PRKCA: variants seen among roughly 807,000 people sequenced by gnomAD.
PRKCA encodes the protein protein kinase C alpha type.
In PRKCA, 27 loss-of-function variants were observed where a neutral mutation model predicts 87.0. The observed-to-expected ratio is 0.31, with a 90% CI of 0.23 to 0.43. The LOEUF (loss-of-function observed/expected upper bound fraction) is 0.43. Among genes scored for constraint, PRKCA ranks in the 20% least tolerant of loss-of-function variants. The pLI is 1.00. For missense variants in PRKCA, 518 were observed against 852.3 expected (o/e 0.61, Z 4.88); for synonymous variants, 329 against 311.1 (o/e 1.06, Z -0.61).
intron 2 of PRKCA, among the ~76,000 whole-genome samples, chr17:66,461,459 TGTG>T (rs879342233): frequency 3.3e-5 from 5 of 152,130 alleles, no homozygotes; most frequent in Non-Finnish European, 5.9e-5. Flanking sequence ...TCACCTGAGT[TGTG>T]GTGAACAGTT....
chr17:66,628,729 C>T (rs1970926106), intron 3 of PRKCA, among the ~76,000 whole-genome samples: 1 of 152,130 alleles, frequency 6.6e-6, no homozygotes, highest in South Asian at 2.1e-4. Flanking sequence ...GATCACTGAA[C>T]ATCAATAAAT....
chr17:66,348,253 A>G (rs911480110), intron 2 of PRKCA, among the ~76,000 whole-genome samples: 9 of 152,074 alleles, frequency 5.9e-5, no homozygotes, highest in Non-Finnish European at 4.4e-5. Flanking sequence ...AGAATCAATA[A>G]TTGTTAATGC....
At chr17:66,470,010 A>G (rs1915252440) in intron 2 of PRKCA, among the ~76,000 whole-genome samples, 1 of 152,022 alleles carries the variant, frequency 6.6e-6, no homozygotes, top group African/African-American at 2.4e-5. Context: ...ATTACCCCCA[A>G]TATGTGTCCG....
At chr17:66,303,503 T>G (rs190664337) in intron 1 of PRKCA, among the ~76,000 whole-genome samples, 1 of 151,458 alleles carries the variant, frequency 6.6e-6, no homozygotes, top group African/African-American at 2.4e-5. Flanking sequence ...GCGTTCGGGG[T>G]GGGGGGGTTG....
intron 16 of PRKCA, chr17:66,797,048 G>A (rs1975686256): frequency 1.1e-6 from 1 of 925,078 alleles, no homozygotes; most frequent in African/African-American, 1.8e-5. Flanking sequence ...AATTCCCATA[G>A]CTGAGACCAT....
intron 8 of PRKCA, among the ~76,000 whole-genome samples, chr17:66,698,848 G>T (rs529107596): frequency 1.3e-5 from 2 of 151,502 alleles, no homozygotes; most frequent in African/African-American, 4.8e-5. Flanking sequence ...AGGTGTAGTG[G>T]TGCATGCCTG....
At chr17:66,445,300 A>T (rs552722744) in intron 2 of PRKCA, among the ~76,000 whole-genome samples, 1 of 152,144 alleles carries the variant, frequency 6.6e-6, no homozygotes, top group East Asian at 1.9e-4. Flanking sequence ...GAGAGTGAAA[A>T]CTGAGCTCTG....
At chr17:66,536,135 C>T (rs1327980273) in intron 3 of PRKCA, among the ~76,000 whole-genome samples, 2 of 152,208 alleles carry the variant, frequency 1.3e-5, no homozygotes, top group Non-Finnish European at 2.9e-5. Context: ...CCAATTCTGA[C>T]ATTTCTTGCA....
chr17:66,556,314 T>TTTC (rs913827887), intron 3 of PRKCA, among the ~76,000 whole-genome samples: 5 of 130,982 alleles, frequency 3.8e-5, no homozygotes, highest in African/African-American at 9.4e-5. Context: ...TAATCTTTTC[T>TTTC]TTCTTCTTCT....
intron 14 of PRKCA, among the ~76,000 whole-genome samples, chr17:66,786,636 G>C (rs1975400421): frequency 6.6e-6 from 1 of 152,156 alleles, no homozygotes. Flanking sequence ...TGTTTGGGTT[G>C]CCCAGGGCAA....
At chr17:66,758,460 A>G (rs956276576) in intron 13 of PRKCA, among the ~76,000 whole-genome samples, 5 of 152,212 alleles carry the variant, frequency 3.3e-5, no homozygotes, top group African/African-American at 9.6e-5. Context: ...GTTAGACACA[A>G]TACAGATGGT....
At chr17:66,427,082 A>G (rs1276742965) in intron 2 of PRKCA, among the ~76,000 whole-genome samples, 1 of 152,054 alleles carries the variant, frequency 6.6e-6, no homozygotes, top group Non-Finnish European at 1.5e-5. Context: ...GTCTTCCAGG[A>G]GCATAGTGGT....
rs142603028 is a variant in PRKCA, at chr17:66,774,696, T to C, written c.1605+629T>C. 3.3e-4 allele frequency: 324 copies of C among 986,180 alleles called. 2 individuals carry two copies. The African/African-American group carries it at 5.1e-3, about 15-fold the overall frequency. 61.1% of individuals were successfully genotyped at this position (986,180 alleles called of 1,614,324 possible). A position where few individuals can be genotyped will look rare whatever the true frequency, so the allele number is the denominator to read the frequency against. Reference sequence around the variant, plus strand: ...GTATCTTAAAACTGGGGTTGGGTTATATGGTTCCCTGCAAGTTTGTCTGCA... The same window carrying C: ...GTATCTTAAAACTGGGGTTGGGTTACATGGTTCCCTGCAAGTTTGTCTGCA... On this transcript the variant is annotated intron_variant, in intron 14 of 16. Coordinates refer to ENST00000413366, the MANE Select transcript of PRKCA (RefSeq NM_002737.3).
chr17:66,707,606 CAG>C (rs1973222777), intron 8 of PRKCA, among the ~76,000 whole-genome samples: 1 of 152,174 alleles, frequency 6.6e-6, no homozygotes, highest in African/African-American at 2.4e-5. Flanking sequence ...TTCCAGAAAT[CAG>C]TAATTCTGGA....
chr17:66,461,737 G>A (rs1914861734), intron 2 of PRKCA, among the ~76,000 whole-genome samples: 1 of 152,166 alleles, frequency 6.6e-6, no homozygotes, highest in Non-Finnish European at 1.5e-5. Context: ...AGATACTTGA[G>A]AACCTTCTTG....
rs565646054 is a variant in PRKCA, at chr17:66,741,477, C to T, written c.1323-182C>T. On this transcript the variant is annotated intron_variant, in intron 11 of 16. Transcript: ENST00000413366. ...TTGGTTTTATTAGCTGTCTCATTCACGGATAAGCTGGAGGACGAAGTGATG... is the reference window on the plus strand; with the variant it reads ...TTGGTTTTATTAGCTGTCTCATTCATGGATAAGCTGGAGGACGAAGTGATG... 3.9e-5 allele frequency among the ~76,000 whole-genome samples: 6 copies of T among 152,274 alleles called. No homozygotes were observed. In the South Asian group the frequency reaches 1.0e-3, roughly 26 times the overall value.
intron 2 of PRKCA, among the ~76,000 whole-genome samples, chr17:66,493,305 G>GTT (rs1445061571): frequency 1.6e-5 from 2 of 126,506 alleles, no homozygotes; most frequent in African/African-American, 5.3e-5. Flanking sequence ...ATTTGTGTGT[G>GTT]TGTGTGTGTG....
intron 10 of PRKCA, among the ~76,000 whole-genome samples, chr17:66,737,632 G>C (rs1407428610): frequency 2.6e-5 from 4 of 152,352 alleles, no homozygotes; most frequent in African/African-American, 7.2e-5. Flanking sequence ...GGAGCCTCTG[G>C]GTGTGTAGCA....
intron 8 of PRKCA, among the ~76,000 whole-genome samples, chr17:66,720,296 G>C (rs936537639): frequency 6.6e-6 from 1 of 152,210 alleles, no homozygotes; most frequent in Non-Finnish European, 1.5e-5. Flanking sequence ...TGCTTGGCGT[G>C]TCCCAGCAGA....
Sources: gnomAD v4.1 joint callset for allele counts (sites outside exome capture counted in the v4.1 genomes callset) on GRCh38, gnomAD v4.1.1 for gene constraint, MANE v1.5 for transcripts, NCBI Gene and HGNC (gene_info 2026-07-23, HGNC 2026-07-21) for gene names.